ZNF93: variants seen among roughly 807,000 people sequenced by gnomAD.
ZNF93 encodes zinc finger protein 505.
A neutral mutation model predicts 45.0 loss-of-function variants in ZNF93; 29 were observed. The ratio of observed to expected loss-of-function variants is 0.64; its 90% CI spans 0.48 to 0.88. The LOEUF is 0.88. Ranked by LOEUF, ZNF93 falls within the 40% of genes least tolerant of loss-of-function variation. The pLI is 0.00. For missense variants in ZNF93, 578 were observed against 724.0 expected (o/e 0.80, Z 2.31); for synonymous variants, 223 against 244.6 (o/e 0.91, Z 0.82).
chr19:19,913,163 A>G (rs1269526599), intron 1 of ZNF93, among the ~76,000 whole-genome samples: 1 of 152,236 alleles, frequency 6.6e-6, no homozygotes, highest in Non-Finnish European at 1.5e-5. Context: ...TAAAACACTC[A>G]TTCATAAACC....
chr19:19,926,078 ATT>A (rs1316887363), intron 3 of ZNF93: 80 of 136,626 alleles, frequency 5.9e-4, no homozygotes, highest in Middle Eastern at 3.7e-3. Flanking sequence ...GTTACCTAGA[ATT>A]TTTTTTTTTT....
At position 19,934,692 on chromosome 19, in the gene ZNF93, CCTTT is replaced by C; in HGVS notation, c.1741_1744del (p.Ser581HisfsTer32). 1 of 1,613,644 alleles carries C rather than the reference CCTTT, an allele frequency of 6.2e-7. No homozygotes were observed. The highest frequency in any genetic ancestry group is 8.5e-7 in the Non-Finnish European group (1 of 1,179,796). ...GCAAAGCTTTTAACCATTCTGCAACCCTTTCTTCACATAAGAAAATCCATTCTGG... is the reference window on the plus strand; with the variant it reads ...GCAAAGCTTTTAACCATTCTGCAACCCTTCACATAAGAAAATCCATTCTGG... On this transcript the variant is annotated frameshift_variant, in exon 4 of 4. Coordinates refer to ENST00000343769, the MANE Select transcript of ZNF93 (RefSeq NM_031218.4). LOFTEE classifies it high-confidence loss of function.
chr19:19,925,687 CA>C (rs35328186), intron 3 of ZNF93, among the ~76,000 whole-genome samples: 1 of 151,946 alleles, frequency 6.6e-6, no homozygotes, highest in Non-Finnish European at 1.5e-5. Flanking sequence ...TTGCTGCAGG[CA>C]AAAAGGAATT....
chr19:19,926,925 T>C (rs934938342), intron 3 of ZNF93, among the ~76,000 whole-genome samples: 6 of 152,232 alleles, frequency 3.9e-5, no homozygotes, highest in Non-Finnish European at 5.9e-5. Context: ...GATAGTCTTA[T>C]TTTCACCATG....
At chr19:19,930,883 G>A (rs187194014) in intron 3 of ZNF93, among the ~76,000 whole-genome samples, 9 of 151,332 alleles carry the variant, frequency 5.9e-5, no homozygotes, top group East Asian at 1.9e-4. Flanking sequence ...CTCCTGCCTC[G>A]GCACCTAGGT....
chr19:19,929,552 A>G (rs745444146), intron 3 of ZNF93, among the ~76,000 whole-genome samples: 1 of 152,202 alleles, frequency 6.6e-6, no homozygotes, highest in Non-Finnish European at 1.5e-5. Context: ...TATTTTAGTT[A>G]TACATTCCTG....
At chr19:19,932,141 C>CATGCA in intron 3 of ZNF93, 9 of 211,132 alleles carry the variant, frequency 4.3e-5, no homozygotes, top group Non-Finnish European at 8.7e-5. Context: ...GGCATGGTGG[C>CATGCA]CCATGCCTGT....
rs111886471 is a variant in ZNF93 at position 19,914,944 on chromosome 19, A to C, written c.4-336A>C. ...AAATTTGAGAGGTGACTTCTAACTC[A>C]ACATGTCTTTTCCATATGAAACATA... On this transcript the variant is annotated intron_variant, in intron 1 of 3. Coordinates refer to ENST00000343769, the MANE Select transcript of ZNF93 (RefSeq NM_031218.4). 1.3e-3 allele frequency: 430 copies of C among 335,938 alleles called. 4 individuals are homozygous for C. Among genetic ancestry groups the C allele is most frequent in the African/African-American group, 8.7e-3 (392 of 44,834 alleles). 20.8% of individuals were successfully genotyped at this position (335,938 alleles called of 1,614,324 possible).
Position 19,913,063 on chromosome 19 carries a change from G to T in ZNF93, c.4-2217G>T, listed in dbSNP as rs375367053. 4.0e-4 allele frequency among the ~76,000 whole-genome samples: 61 copies of T among 152,374 alleles called. No homozygotes were observed. In the South Asian group the frequency reaches 0.013, roughly 32 times the overall value. On this transcript the variant is annotated intron_variant, in intron 1 of 3. Coordinates refer to ENST00000343769, the MANE Select transcript of ZNF93 (RefSeq NM_031218.4). ...TTTGGTTATGGCAAGAGTGTTAAGTGTAAGGGACCCTGTGCTGTTCCTGCT... is the reference window on the plus strand; with the variant it reads ...TTTGGTTATGGCAAGAGTGTTAAGTTTAAGGGACCCTGTGCTGTTCCTGCT...
At chr19:19,919,169 GT>G (rs2063334631) in intron 3 of ZNF93, among the ~76,000 whole-genome samples, 1 of 152,092 alleles carries the variant, frequency 6.6e-6, no homozygotes, top group African/African-American at 2.4e-5. Context: ...CTTTCTACAT[GT>G]GGCTAGCCAG....
chr19:19,934,294 C>T lies in ZNF93; in HGVS notation c.1339C>T (p.His447Tyr). 1.2e-6 allele frequency: 2 copies of T among 1,613,046 alleles called. No homozygotes were observed. The highest frequency in any genetic ancestry group is 1.7e-6 in the Non-Finnish European group (2 of 1,179,954). Residue 447 changes from histidine (H) to tyrosine (Y), a missense_variant, in exon 4 of 4, where the codon CAT (histidine) becomes TAT (tyrosine). His to Tyr is a moderately conservative substitution (Grantham distance 83, BLOSUM62 2). Transcript: ENST00000343769. ...SSTLSKHEII[H>Y]TGKKPYKCEE... ...AACCCTTAGTAAACATGAGATCATT[C>T]ATACTGGAAAGAAACCCTACAAGTG...
In ZNF93 at chr19:19,901,043, T is replaced by C. The variant is rs2063268704; in HGVS notation, c.-46T>C. 1 of 1,611,540 alleles carries C rather than the reference T, an allele frequency of 6.2e-7. No individual in the cohort carries two copies. The highest frequency in any genetic ancestry group is 8.5e-7 in the Non-Finnish European group (1 of 1,178,388). On this transcript the variant is annotated 5_prime_UTR_variant, in exon 1 of 4. Transcript: ENST00000343769. ...TCTGTGGCCCTGTGACCTGCAGGTA[T>C]TGGGAGATCCACAGCTAAGACACCA... is the stretch of plus-strand genomic sequence containing the variant.
intron 3 of ZNF93, among the ~76,000 whole-genome samples, chr19:19,923,466 G>A (rs1281045429): frequency 6.6e-6 from 1 of 151,948 alleles, no homozygotes; most frequent in Non-Finnish European, 1.5e-5. Flanking sequence ...CTTCCAAGCT[G>A]TCAGAGGTTT....
intron 1 of ZNF93, among the ~76,000 whole-genome samples, chr19:19,905,277 T>G (rs1346633514): frequency 6.6e-6 from 1 of 152,094 alleles, no homozygotes; most frequent in African/African-American, 2.4e-5. Context: ...TGAAATTATG[T>G]TATGGGGATT....
At chr19:19,901,569 T>A (rs1193244284) in intron 1 of ZNF93, among the ~76,000 whole-genome samples, 1 of 152,060 alleles carries the variant, frequency 6.6e-6, no homozygotes, top group Admixed American at 6.6e-5. Context: ...GAGGAGTTGT[T>A]AGGGCAGCTA....
In ZNF93 at chr19:19,933,684, C is replaced by T; in HGVS notation, c.729C>T (p.Thr243=). 1 of 1,612,508 alleles carries T rather than the reference C, an allele frequency of 6.2e-7. No individual in the cohort carries two copies. The change falls in exon 4 of 4, where the codon ACC becomes ACT. Residue 243 remains threonine (T), a synonymous_variant. Coordinates refer to ENST00000343769, the MANE Select transcript of ZNF93 (RefSeq NM_031218.4). ...ACAAAGCCTTTATTGCATCCTCAAC[C>T]CTTAGTAAACATGAGATCATTCATA... The part of the protein sequence containing the change: ...KCDKAFIASS[T]LSKHEIIHTG...
chr19:19,907,285 G>T lies in ZNF93; in HGVS notation c.3+6194G>T, dbSNP rs556676196. ...ACACAGAAGCTTAGCACAAAAATAG[G>T]ATTAAATTTAGCAATACCGAATGAT... On this transcript the variant is annotated intron_variant, in intron 1 of 3. Coordinates refer to ENST00000343769, the MANE Select transcript of ZNF93 (RefSeq NM_031218.4). 1.3e-4 allele frequency among the ~76,000 whole-genome samples: 20 copies of T among 152,148 alleles called. No homozygotes were observed. The South Asian group carries it at 4.2e-3, about 32-fold the overall frequency.
Position 19,935,188 on chromosome 19 carries a change from CA to C in ZNF93, c.*374del. 4.6e-6 allele frequency: 1 copy of C among 217,258 alleles called. No homozygotes were observed. Among genetic ancestry groups the C allele is most frequent in the Non-Finnish European group, 9.1e-6 (1 of 109,448 alleles). The allele number at this position is 217,258 out of a possible 1,614,324, so 13.5% of individuals were successfully genotyped here. ...GCCCACCATATGCAGACCTGACTGC[CA>C]AAACATGCCCTAGTGTCTGCCGTAC... is the stretch of plus-strand genomic sequence containing the variant. On this transcript the variant is annotated 3_prime_UTR_variant, in exon 4 of 4. Coordinates refer to ENST00000343769, the MANE Select transcript of ZNF93 (RefSeq NM_031218.4).
intron 1 of ZNF93, among the ~76,000 whole-genome samples, chr19:19,911,574 A>G (rs530933081): frequency 2.2e-4 from 33 of 152,250 alleles, no homozygotes; most frequent in African/African-American, 7.7e-4. Flanking sequence ...AGTTCCTACA[A>G]TCCAGAAACT....
Sources: allele counts gnomAD v4.1 joint callset (sites outside exome capture counted in the v4.1 genomes callset), GRCh38; gene constraint gnomAD v4.1.1; transcripts MANE v1.5; gene names NCBI Gene and HGNC (gene_info 2026-07-23, HGNC 2026-07-21).